Variants in USH2A observed in about 807,000 individuals in gnomAD.
USH2A encodes Usher syndrome 2A (autosomal recessive, mild).
Under a neutral mutation model 538.9 loss-of-function variants are expected in USH2A, and 443 were observed. That is an observed-to-expected ratio of 0.82 (90% CI 0.76 to 0.89). The LOEUF (loss-of-function observed/expected upper bound fraction) is 0.89. Ranked by LOEUF, USH2A falls within the 40% of genes least tolerant of loss-of-function variation. USH2A has a pLI of 0.00. For synonymous variants in USH2A, 2,413 were observed against 2,273.5 expected (o/e 1.06, Z -1.75); for missense variants, 6,633 against 6,324.8 (o/e 1.05, Z -1.65).
chr1:215,908,652 A>T (rs1449900927), intron 38 of USH2A, among the ~76,000 whole-genome samples: 1 of 151,950 alleles, frequency 6.6e-6, no homozygotes, highest in Non-Finnish European at 1.5e-5. Flanking sequence ...ATACTTACAT[A>T]TTATTTAGTA....
intron 11 of USH2A, among the ~76,000 whole-genome samples, chr1:216,288,692 A>G (rs1403414653): frequency 6.6e-6 from 1 of 152,182 alleles, no homozygotes. Context: ...CTTCAGCTTC[A>G]ATAAGAAGCC....
intron 3 of USH2A, among the ~76,000 whole-genome samples, chr1:216,405,950 G>A (rs1351934811): frequency 1.3e-5 from 2 of 152,204 alleles, no homozygotes. Flanking sequence ...ATTGTGTGAT[G>A]TCATGTATAC....
chr1:216,273,540 G>A (rs1012167755), intron 11 of USH2A, among the ~76,000 whole-genome samples: 8 of 151,946 alleles, frequency 5.3e-5, no homozygotes, highest in Non-Finnish European at 2.9e-5. Flanking sequence ...TACATTTCAA[G>A]GTTAAATTCA....
At chr1:216,378,874 T>C (rs2038883645) in intron 3 of USH2A, among the ~76,000 whole-genome samples, 1 of 152,188 alleles carries the variant, frequency 6.6e-6, no homozygotes, top group Non-Finnish European at 1.5e-5. Flanking sequence ...TTTTTCTCCA[T>C]CTGTTTTCAT....
chr1:216,147,690 A>G (rs1438557894), intron 21 of USH2A, among the ~76,000 whole-genome samples: 3 of 150,582 alleles, frequency 2.0e-5, no homozygotes, highest in Non-Finnish European at 4.4e-5. Context: ...CCATAATAGA[A>G]AAAAGTTGCA....
intron 30 of USH2A, among the ~76,000 whole-genome samples, chr1:216,067,359 T>C (rs918022996): frequency 2.0e-5 from 3 of 151,808 alleles, no homozygotes. Context: ...GGCACATGTA[T>C]ACCTATGTAA....
At chr1:216,332,850 TG>T (rs905272485) in intron 4 of USH2A, among the ~76,000 whole-genome samples, 1 of 152,050 alleles carries the variant, frequency 6.6e-6, no homozygotes, top group African/African-American at 2.4e-5. Context: ...AAAACAACTC[TG>T]GAAAGGGAAA....
At chr1:215,766,890 A>G (rs1661148871) in intron 55 of USH2A, 102 bp from the exon 56 acceptor site, 2 of 1,104,596 alleles carry the variant, frequency 1.8e-6, no homozygotes, top group African/African-American at 1.5e-5. Context: ...GATAGCCAAA[A>G]CATTTAAGAG....
chr1:215,920,158 A>G (rs1666061396), intron 38 of USH2A, among the ~76,000 whole-genome samples: 1 of 152,048 alleles, frequency 6.6e-6, no homozygotes. Context: ...TTTCTCAAAG[A>G]CCTTTGTGTT....
chr1:215,633,056 CT>C (rs1558030826), intron 70 of USH2A, among the ~76,000 whole-genome samples: 1 of 152,068 alleles, frequency 6.6e-6, no homozygotes, highest in Non-Finnish European at 1.5e-5. Flanking sequence ...ACATATCTGA[CT>C]TAGTGTTATG....
intron 7 of USH2A, 66 bp from the exon 8 acceptor site, chr1:216,323,761 A>G (rs2037667539): frequency 2.8e-5 from 40 of 1,439,002 alleles, no homozygotes; most frequent in Non-Finnish European, 3.5e-5. Flanking sequence ...AGAAATCAAA[A>G]TGTTGAGAAA....
intron 56 of USH2A, among the ~76,000 whole-genome samples, chr1:215,764,687 T>C (rs908516689): frequency 1.3e-5 from 2 of 152,168 alleles, no homozygotes; most frequent in African/African-American, 4.8e-5. Context: ...TCAAATTATA[T>C]CTGATGTACT....
chr1:216,167,098 G>A (rs1188922183), intron 21 of USH2A, among the ~76,000 whole-genome samples: 1 of 151,868 alleles, frequency 6.6e-6, no homozygotes, highest in Non-Finnish European at 1.5e-5. Context: ...CTATGGCTAT[G>A]TTTGTGAGCC....
At chr1:216,369,847 C>T (rs181191395) in intron 3 of USH2A, among the ~76,000 whole-genome samples, 8 of 146,028 alleles carry the variant, frequency 5.5e-5, no homozygotes, top group Non-Finnish European at 1.0e-4. Flanking sequence ...CTTTTGAACC[C>T]GGGAGGCAGA....
chr1:216,190,487 T>A, intron 19 of USH2A, 120 bp from the exon 20 acceptor site: 1 of 1,355,410 alleles, frequency 7.4e-7, no homozygotes, highest in Non-Finnish European at 1.0e-6. Flanking sequence ...CCAACCACCA[T>A]TAGGAAAAGG....
At chr1:216,357,372 T>C (rs1243587467) in intron 4 of USH2A, among the ~76,000 whole-genome samples, 1 of 152,066 alleles carries the variant, frequency 6.6e-6, no homozygotes, top group Non-Finnish European at 1.5e-5. Context: ...AATAATTCTC[T>C]CTGAAAAAAA....
intron 21 of USH2A, among the ~76,000 whole-genome samples, chr1:216,146,716 T>A (rs2033713538): frequency 6.6e-6 from 1 of 151,920 alleles, no homozygotes; most frequent in Non-Finnish European, 1.5e-5. Context: ...CCCAACCCCC[T>A]CTCTGCTTTT....
At chr1:216,102,312 G>A (rs2032601554) in intron 21 of USH2A, among the ~76,000 whole-genome samples, 1 of 150,858 alleles carries the variant, frequency 6.6e-6, no homozygotes, top group Non-Finnish European at 1.5e-5. Context: ...AGCCAAATAT[G>A]TGCAACTACT....
chr1:216,178,609 C>G (rs574659549), intron 20 of USH2A, among the ~76,000 whole-genome samples: 1 of 151,986 alleles, frequency 6.6e-6, no homozygotes, highest in Non-Finnish European at 1.5e-5. Context: ...GCTAGATTCC[C>G]TAGGGTTTTG....
Sources: gnomAD v4.1 joint callset for allele counts (sites outside exome capture counted in the v4.1 genomes callset) on GRCh38, gnomAD v4.1.1 for gene constraint, MANE v1.5 for transcripts, NCBI Gene and HGNC (gene_info 2026-07-23, HGNC 2026-07-21) for gene names.